Variants in GPALPP1 observed in about 807,000 individuals in gnomAD.
The protein encoded by GPALPP1 is GPALPP motifs containing 1, also known as GPALPP motifs-containing protein 1.
In GPALPP1, 30 loss-of-function variants were observed where a neutral mutation model predicts 38.9. The observed-to-expected ratio is 0.77, with a 90% CI of 0.58 to 1.05. The LOEUF is 1.05. Among genes scored for constraint, GPALPP1 ranks in the 50% least tolerant of loss-of-function variants. GPALPP1 has a pLI of 0.00. For synonymous variants in GPALPP1, 120 were observed against 139.2 expected (o/e 0.86, Z 0.97); for missense variants, 384 against 408.8 (o/e 0.94, Z 0.52).
rs770189641 is a variant in GPALPP1 at position 45,006,197 on chromosome 13, T to G, written c.222-5T>G. 2 of 1,581,402 alleles carry G rather than the reference T, an allele frequency of 1.3e-6. No homozygotes were observed. The highest frequency in any genetic ancestry group is 4.5e-5 in the East Asian group (2 of 44,686). ...ATGCATAAAGTTATACTACTATGTT[T>G]TCAGAAAACAGAGGAAAAATCAGGA... On this transcript the variant is annotated splice_region_variant and splice_polypyrimidine_tract_variant and intron_variant, in intron 2 of 7. Transcript: ENST00000379151.
chr13:44,989,746 A>G lies in GPALPP1; in HGVS notation c.88+4A>G. The G allele has an allele frequency of 6.2e-7, 1 of 1,604,444 alleles. No homozygotes were observed. The highest frequency in any genetic ancestry group is 8.5e-7 in the Non-Finnish European group (1 of 1,177,314). On this transcript the variant is annotated splice_donor_region_variant and intron_variant, in intron 1 of 7. Coordinates refer to ENST00000379151, the MANE Select transcript of GPALPP1 (RefSeq NM_018559.5). ...GAAGAGCGGGACCCGAGCCCTGGTAAGCGGCGGCGTCTCCGCTGCCCACCA... is the reference window on the plus strand; with the variant it reads ...GAAGAGCGGGACCCGAGCCCTGGTAGGCGGCGGCGTCTCCGCTGCCCACCA...
Position 45,006,243 on chromosome 13 carries a change from A to G in GPALPP1, c.263A>G (p.Asp88Gly), listed in dbSNP as rs549136323. 5.0e-6 allele frequency: 8 copies of G among 1,610,978 alleles called. No homozygotes were observed. The African/African-American group carries it at 6.7e-5, about 13-fold the overall frequency. ...CAGGATGATGACGATGATGATGATG[A>G]TGGGTTTTTTGGACCAGCCCTTCCT... Reference protein sequence around the residue: ...KNQDDDDDDDDGFFGPALPPG... With the variant: ...KNQDDDDDDDGGFFGPALPPG... The change falls in exon 3 of 8, where the codon GAT becomes GGT. Residue 88 changes from aspartate (D) to glycine (G), a missense_variant. Transcript: ENST00000379151.
chr13:45,015,478 C>T lies in GPALPP1; in HGVS notation c.587C>T (p.Pro196Leu), dbSNP rs568880282. 49 of 1,606,534 alleles carry T rather than the reference C, an allele frequency of 3.1e-5. No individual in the cohort carries two copies. In the African/African-American group the frequency reaches 5.9e-4, roughly 19 times the overall value. The change falls in exon 6 of 8, where the codon CCT becomes CTT. Residue 196 changes from proline to leucine, a missense_variant. By Grantham distance (98) the Pro-to-Leu change is moderately conservative (BLOSUM62 -3). Transcript: ENST00000379151. ...AGAGAGTCATGGATGACTGAACTTC[C>T]TCCAGAAATGAAAGACTTTGGTCTT... ...IVRESWMTELPPEMKDFGLGP... is the reference protein window; with the variant it reads ...IVRESWMTELLPEMKDFGLGP...
chr13:44,992,591 T>G (rs1593379006), intron 1 of GPALPP1, among the ~76,000 whole-genome samples: 1 of 152,342 alleles, frequency 6.6e-6, no homozygotes, highest in East Asian at 1.9e-4. Context: ...GCATTATTGT[T>G]TCAGCTTTCA....
intron 5 of GPALPP1, 81 bp from the exon 6 acceptor site, chr13:45,015,349 GAC>G: frequency 1.3e-6 from 1 of 796,302 alleles, no homozygotes; most frequent in African/African-American, 1.8e-5. Flanking sequence ...TCAATTGCAT[GAC>G]ACAGTTGCTT....
At chr13:44,993,270 TC>T (rs1180638175) in intron 1 of GPALPP1, among the ~76,000 whole-genome samples, 3 of 152,362 alleles carry the variant, frequency 2.0e-5, no homozygotes, top group Non-Finnish European at 2.9e-5. Flanking sequence ...AATAATCTGT[TC>T]AAGTCCCTGC....
chr13:44,991,346 C>T (rs1362922756), intron 1 of GPALPP1, among the ~76,000 whole-genome samples: 10 of 151,568 alleles, frequency 6.6e-5, no homozygotes, highest in Admixed American at 6.6e-4. Flanking sequence ...ACTTGGGAGG[C>T]TGAGGCAGGA....
chr13:45,029,779 T>C lies in GPALPP1; in HGVS notation c.*1776T>C, dbSNP rs1487622983. The C allele has an allele frequency of 1.3e-5, 2 of 152,230 alleles. No individual in the cohort carries two copies. Among genetic ancestry groups the C allele is most frequent in the Non-Finnish European group, 2.9e-5 (2 of 68,034 alleles). The allele number at this position is 152,230 out of a possible 1,614,324, so 9.4% of individuals were successfully genotyped here. On this transcript the variant is annotated 3_prime_UTR_variant, in exon 8 of 8. Coordinates refer to ENST00000379151, the MANE Select transcript of GPALPP1 (RefSeq NM_018559.5). ...TGCTTGTTTTAGCACTCAGGGCTTT[T>C]TATTTGTTATTTAATTTTTTAATTG... is the stretch of plus-strand genomic sequence containing the variant.
At chr13:45,015,719 G>A (rs3783148) in intron 6 of GPALPP1, 123 bp downstream of exon 6, 57,093 of 605,412 alleles carry the variant, frequency 0.094, 4,799 homozygotes, top group African/African-American at 0.29. Flanking sequence ...AGGATAATGC[G>A]GATTTTCCTC....
At chr13:45,010,982 CAAAAA>C (rs1418730836) in intron 4 of GPALPP1, among the ~76,000 whole-genome samples, 2 of 149,592 alleles carry the variant, frequency 1.3e-5, no homozygotes, top group African/African-American at 4.9e-5. Flanking sequence ...GACCCTGTCT[CAAAAA>C]GAAAAAAGAA....
chr13:44,991,063 G>C (rs557563887), intron 1 of GPALPP1, among the ~76,000 whole-genome samples: 1 of 151,864 alleles, frequency 6.6e-6, no homozygotes, highest in South Asian at 2.1e-4. Flanking sequence ...GCTCCAGCCT[G>C]GGCGACGGAA....
At chr13:44,992,453 A>G (rs372538503) in intron 1 of GPALPP1, among the ~76,000 whole-genome samples, 127 of 152,314 alleles carry the variant, frequency 8.3e-4, no homozygotes, top group South Asian at 7.3e-3. Flanking sequence ...TTTGATTAAC[A>G]TAAGTTTTTA....
intron 1 of GPALPP1, among the ~76,000 whole-genome samples, chr13:44,995,169 AACACACACACACACACACAC>A (rs371911111): frequency 7.8e-6 from 1 of 128,534 alleles, no homozygotes; most frequent in Non-Finnish European, 1.6e-5. Flanking sequence ...CCTATCTTTA[AACACACACACACACACACAC>A]ACACACACAC....
chr13:45,020,485 C>CAAGT, intron 7 of GPALPP1, 57 bp downstream of exon 7: 1 of 762,400 alleles, frequency 1.3e-6, no homozygotes, highest in Non-Finnish European at 2.3e-6. Context: ...CCTATAATCC[C>CAAGT]AGCTACTTGG....
Position 45,027,420 on chromosome 13 carries a change from C to T in GPALPP1, c.805-365C>T, listed in dbSNP as rs189643646. Reference sequence around the variant, plus strand: ...CACAGGCCTTGAATTTTGCCACATCCGTGTTCTTACTACTTTTCTTTTACC... The same window carrying T: ...CACAGGCCTTGAATTTTGCCACATCTGTGTTCTTACTACTTTTCTTTTACC... On this transcript the variant is annotated intron_variant, in intron 7 of 7. Coordinates refer to ENST00000379151, the MANE Select transcript of GPALPP1 (RefSeq NM_018559.5). Among the ~76,000 whole-genome samples, 658 of 152,292 alleles carry T rather than the reference C, an allele frequency of 4.3e-3. 17 individuals carry two copies. The highest frequency in any genetic ancestry group is 0.04 in the Admixed American group (613 of 15,294).
chr13:45,025,437 A>G (rs2138016211), intron 7 of GPALPP1, among the ~76,000 whole-genome samples: 1 of 152,328 alleles, frequency 6.6e-6, no homozygotes, highest in South Asian at 2.1e-4. Flanking sequence ...CCAAGTCTGT[A>G]TAATGAGAAT....
chr13:44,995,423 G>C (rs1873196092), intron 1 of GPALPP1, among the ~76,000 whole-genome samples: 1 of 151,938 alleles, frequency 6.6e-6, no homozygotes, highest in African/African-American at 2.4e-5. Context: ...TAAGAACTTA[G>C]ATGCTTATCT....
rs538880859 is a variant in GPALPP1, at chr13:44,992,869, G to A, written c.88+3127G>A. Among the ~76,000 whole-genome samples, 8 of 152,144 alleles carry A rather than the reference G, an allele frequency of 5.3e-5. No individual in the cohort carries two copies. In the South Asian group the frequency reaches 6.2e-4, roughly 12 times the overall value. ...CTTAGGTACAGTCACATTGTTGTGCGGTCATCACCACCATCCATCTCTAGA... is the reference window on the plus strand; with the variant it reads ...CTTAGGTACAGTCACATTGTTGTGCAGTCATCACCACCATCCATCTCTAGA... On this transcript the variant is annotated intron_variant, in intron 1 of 7. Transcript: ENST00000379151.
intron 7 of GPALPP1, among the ~76,000 whole-genome samples, chr13:45,023,339 A>C (rs1192359786): frequency 6.6e-6 from 1 of 151,258 alleles, no homozygotes; most frequent in Non-Finnish European, 1.5e-5. Flanking sequence ...ATAAAAGTTT[A>C]TTTCTTTTAT....
Sources: gnomAD v4.1 joint callset for allele counts (sites outside exome capture counted in the v4.1 genomes callset) on GRCh38, gnomAD v4.1.1 for gene constraint, MANE v1.5 for transcripts, NCBI Gene and HGNC (gene_info 2026-07-23, HGNC 2026-07-21) for gene names.